DLEU7: variants seen among roughly 807,000 people sequenced by gnomAD.
DLEU7 encodes the protein leukemia-associated protein 7.
DLEU7 carries 17 observed loss-of-function variants against 16.0 expected under a neutral mutation model. The ratio of observed to expected loss-of-function variants is 1.06; its 90% CI spans 0.73 to 1.59. DLEU7 has a LOEUF of 1.59. Among genes scored for constraint, DLEU7 ranks in the 40% most tolerant of loss-of-function variants. The pLI is 0.00. For missense variants in DLEU7, 308 were observed against 314.9 expected (o/e 0.98, Z 0.17); for synonymous variants, 113 against 139.8 (o/e 0.81, Z 1.35).
At chr13:50,711,768 G>GCGGC (rs1566225367), downstream of DLEU7, 6 of 77,732 alleles carry the variant, frequency 7.7e-5, no homozygotes, top group African/African-American at 3.2e-4. Context: ...CAATGACCCA[G>GCGGC]TGGCGGGGGC....
intron 1 of DLEU7, among the ~76,000 whole-genome samples, chr13:50,827,276 T>C (rs962047681): frequency 2.0e-5 from 3 of 152,186 alleles, no homozygotes; most frequent in Non-Finnish European, 4.4e-5. Context: ...GGTGGCAAGC[T>C]CATAAATATC....
At chr13:50,810,185 GAA>G (rs5803535) in intron 1 of DLEU7, among the ~76,000 whole-genome samples, 1,404 of 129,926 alleles carry the variant, frequency 0.011, 17 homozygotes, top group East Asian at 0.043. Context: ...AGAAATTCTG[GAA>G]AAAAAAAAAA....
chr13:50,814,298 A>G lies in DLEU7; in HGVS notation c.459+28890T>C, dbSNP rs181997524. Among the ~76,000 whole-genome samples, 166 of 152,012 alleles carry G rather than the reference A, an allele frequency of 1.1e-3. 1 individual carries two copies. The highest frequency in any genetic ancestry group is 3.7e-3 in the African/African-American group (154 of 41,412). On this transcript the variant is annotated intron_variant, in intron 1 of 1. Transcript: ENST00000400393. ...AAATGCTGAGCAACCCAGACGAATC[A>G]TCTATCCACCCATCCATCCATCCAT...
At chr13:50,832,933 C>T (rs578060512) in intron 1 of DLEU7, among the ~76,000 whole-genome samples, 2 of 152,208 alleles carry the variant, frequency 1.3e-5, no homozygotes, top group East Asian at 3.9e-4. Context: ...ACAAACAGAA[C>T]CAATGGCAAA....
chr13:50,817,661 G>A (rs1020767691), intron 1 of DLEU7, among the ~76,000 whole-genome samples: 2 of 152,160 alleles, frequency 1.3e-5, no homozygotes, highest in African/African-American at 4.8e-5. Context: ...CTGTTGGAGG[G>A]AGTTTTAAGA....
chr13:50,810,493 G>A (rs1289972969), intron 1 of DLEU7, among the ~76,000 whole-genome samples: 1 of 152,090 alleles, frequency 6.6e-6, no homozygotes, highest in Admixed American at 6.6e-5. Context: ...GAAAAGCAAG[G>A]ATAAAAGCCT....
intron 1 of DLEU7, among the ~76,000 whole-genome samples, chr13:50,755,723 A>G (rs539066782): frequency 1.3e-5 from 2 of 150,968 alleles, no homozygotes; most frequent in South Asian, 4.2e-4. Context: ...GTTTGTATCC[A>G]TTGCTGGTGA....
intron 1 of DLEU7, among the ~76,000 whole-genome samples, chr13:50,803,028 C>T (rs1876292034): frequency 6.6e-6 from 1 of 152,118 alleles, no homozygotes; most frequent in Admixed American, 6.6e-5. Context: ...AACGTTTAGG[C>T]AGTTTCAGAT....
At position 50,712,966 on chromosome 13, in the gene DLEU7, G is replaced by T. The variant is rs529962048; in HGVS notation, c.*251C>A. On this transcript the variant is annotated 3_prime_UTR_variant, in exon 2 of 2. Transcript: ENST00000400393. ...GGCTCTAATTGGAGCAAGATGACAGGATTACTTGGAGGTGAGAGAGGATAA... is the reference window on the plus strand; with the variant it reads ...GGCTCTAATTGGAGCAAGATGACAGTATTACTTGGAGGTGAGAGAGGATAA... 8.3e-4 allele frequency: 399 copies of T among 481,924 alleles called. 2 individuals carry two copies. Among genetic ancestry groups the T allele is most frequent in the African/African-American group, 7.2e-3 (372 of 51,388 alleles). The allele number at this position is 481,924 out of a possible 1,614,324, so 29.9% of individuals were successfully genotyped here.
At chr13:50,747,402 G>T (rs541033164) in intron 1 of DLEU7, among the ~76,000 whole-genome samples, 3 of 151,418 alleles carry the variant, frequency 2.0e-5, no homozygotes, top group African/African-American at 7.3e-5. Flanking sequence ...GTGTGTGCGC[G>T]CATTTGTGTG....
Position 50,726,793 on chromosome 13 carries a change from C to T in DLEU7, c.460-13553G>A, listed in dbSNP as rs1485700363. On this transcript the variant is annotated intron_variant, in intron 1 of 1. Coordinates refer to the DLEU7 transcript ENST00000400393. This position sits in a 1 kb window ranked among gnomAD's most constrained non-coding sequence, Gnocchi z 4.0. ...TGACCATGCCCCCTACCTTCCTGGG[C>T]CTCAGGAAATGAAGATGGAACCAGC... is the stretch of plus-strand genomic sequence containing the variant. Among the ~76,000 whole-genome samples the T allele has an allele frequency of 6.6e-6, 1 of 152,044 alleles. No individual in the cohort carries two copies. The highest frequency in any genetic ancestry group is 2.4e-5 in the African/African-American group (1 of 41,390).
At chr13:50,734,071 C>T (rs1309584175) in intron 1 of DLEU7, among the ~76,000 whole-genome samples, 1 of 152,188 alleles carries the variant, frequency 6.6e-6, no homozygotes, top group African/African-American at 2.4e-5. Flanking sequence ...CTGTCTGTCA[C>T]TGTCTGGAAG....
intron 1 of DLEU7, among the ~76,000 whole-genome samples, chr13:50,722,190 A>G (rs1208717773): frequency 6.6e-6 from 1 of 152,158 alleles, no homozygotes; most frequent in Non-Finnish European, 1.5e-5. Context: ...TCAGCTTGCC[A>G]TGTGACATGC....
intron 1 of DLEU7, among the ~76,000 whole-genome samples, chr13:50,723,474 A>G (rs1873676195): frequency 6.6e-6 from 1 of 151,950 alleles, no homozygotes; most frequent in African/African-American, 2.4e-5. Context: ...TTCCATAACT[A>G]AATACCATAG....
At chr13:50,799,044 G>A (rs1212133404) in intron 1 of DLEU7, among the ~76,000 whole-genome samples, 1 of 152,160 alleles carries the variant, frequency 6.6e-6, no homozygotes, top group African/African-American at 2.4e-5. Context: ...CCTGGGTTAT[G>A]TTTTTGAAAC....
chr13:50,781,734 C>T (rs1223813910), intron 1 of DLEU7, among the ~76,000 whole-genome samples: 2 of 152,050 alleles, frequency 1.3e-5, no homozygotes, highest in Non-Finnish European at 2.9e-5. Flanking sequence ...CATCTCAGCT[C>T]AGAACACTAG....
intron 1 of DLEU7, among the ~76,000 whole-genome samples, chr13:50,802,223 A>G (rs987679068): frequency 5.0e-4 from 76 of 151,358 alleles, no homozygotes; most frequent in African/African-American, 1.7e-3. Context: ...CCTCTGAGGA[A>G]CTGGGCACTT....
At chr13:50,730,735 G>T (rs918730431) in intron 1 of DLEU7, among the ~76,000 whole-genome samples, 1 of 152,152 alleles carries the variant, frequency 6.6e-6, no homozygotes, top group Non-Finnish European at 1.5e-5. Flanking sequence ...CTCAATGGCT[G>T]CATCCCAAAA....
intron 1 of DLEU7, among the ~76,000 whole-genome samples, chr13:50,717,773 C>G (rs1317442188): frequency 1.3e-5 from 2 of 152,102 alleles, no homozygotes; most frequent in Non-Finnish European, 2.9e-5. Flanking sequence ...CCCAAGGCAG[C>G]CAGACACTAT....
Sources: gnomAD v4.1 joint callset for allele counts (sites outside exome capture counted in the v4.1 genomes callset) on GRCh38, gnomAD v4.1.1 for gene constraint, Gnocchi (gnomAD v3.1) non-coding constraint, MANE v1.5 for transcripts, NCBI Gene and HGNC (gene_info 2026-07-23, HGNC 2026-07-21) for gene names.